Variants in KHDRBS2 observed in about 807,000 individuals in gnomAD.
KHDRBS2 encodes KH domain-containing, RNA-binding, signal transduction-associated protein 2.
A neutral mutation model predicts 44.3 loss-of-function variants in KHDRBS2; 26 were observed. The observed-to-expected ratio is 0.59, with a 90% CI of 0.43 to 0.81. The LOEUF is 0.81. KHDRBS2 is among the 40% of genes least tolerant of loss of function. The pLI, the probability that KHDRBS2 is intolerant of heterozygous loss-of-function variation, is 0.00. For missense variants in KHDRBS2, 476 were observed against 433.1 expected, an observed-to-expected ratio of 1.10 and a Z score of -0.88; for synonymous variants, 194 against 151.1, an observed-to-expected ratio of 1.28 and a Z score of -2.08.
chr6:61,897,933 G>A (rs1414401295), intron 5 of KHDRBS2, among the ~76,000 whole-genome samples: 2 of 152,088 alleles, frequency 1.3e-5, no homozygotes, highest in East Asian at 3.8e-4. Flanking sequence ...TAGTGGTGAT[G>A]TGTGTTAGAG....
At chr6:62,148,614 C>A (rs1419662796) in intron 2 of KHDRBS2, among the ~76,000 whole-genome samples, 1 of 151,894 alleles carries the variant, frequency 6.6e-6, no homozygotes, top group African/African-American at 2.4e-5. Flanking sequence ...ATATTAAAAA[C>A]AACAACAACA....
At chr6:61,758,311 G>T (rs1460015747) in intron 6 of KHDRBS2, among the ~76,000 whole-genome samples, 2 of 151,790 alleles carry the variant, frequency 1.3e-5, no homozygotes, top group Non-Finnish European at 2.9e-5. Context: ...AGGTCAAAAC[G>T]TAAGTCTAGT....
At chr6:61,550,193 C>T in the KHDRBS2 span, among the ~76,000 whole-genome samples, 89,804 of 151,814 alleles carry the variant, frequency 0.59, 26,761 homozygotes, top group Non-Finnish European at 0.61. Context: ...CAATCCTCGC[C>T]CTCCTCCCAC....
intron 4 of KHDRBS2, among the ~76,000 whole-genome samples, chr6:61,923,686 AAC>A (rs1808467073): frequency 6.6e-6 from 1 of 152,178 alleles, no homozygotes; most frequent in Admixed American, 6.6e-5. Flanking sequence ...TCAATTCAAT[AAC>A]AGTCATTATG....
intron 7 of KHDRBS2, among the ~76,000 whole-genome samples, chr6:61,718,494 C>G (rs1187702299): frequency 6.6e-6 from 1 of 152,072 alleles, no homozygotes; most frequent in Non-Finnish European, 1.5e-5. Flanking sequence ...TGCTGTCCCA[C>G]TTTCTTTCTT....
chr6:62,093,856 T>TGTGTG (rs1799975853), intron 2 of KHDRBS2, among the ~76,000 whole-genome samples: 4 of 143,214 alleles, frequency 2.8e-5, no homozygotes, highest in Non-Finnish European at 6.1e-5. Context: ...TTCCATTGTT[T>TGTGTG]TGTGTGTGTG....
intron 1 of KHDRBS2, among the ~76,000 whole-genome samples, chr6:62,186,680 A>C (rs962703627): frequency 6.6e-6 from 1 of 152,046 alleles, no homozygotes; most frequent in African/African-American, 2.4e-5. Context: ...ATCATCAAAA[A>C]AATGTTGGAA....
intron 4 of KHDRBS2, among the ~76,000 whole-genome samples, chr6:61,912,876 C>T (rs942154543): frequency 9.9e-5 from 15 of 152,132 alleles, no homozygotes; most frequent in African/African-American, 3.6e-4. Context: ...TCTAAGGCTC[C>T]TTTCAGTTCT....
At position 62,262,190 on chromosome 6, in the gene KHDRBS2, A is replaced by G. The variant is rs565057882; in HGVS notation, c.91+23668T>C. On this transcript the variant is annotated intron_variant, in intron 1 of 8. Coordinates refer to ENST00000281156, the MANE Select transcript of KHDRBS2 (RefSeq NM_152688.4). ...TCCACTTATCTTTGAACTTCTATATATTTACTTTCTTTATTTTATCAAGAT... is the reference window on the plus strand; with the variant it reads ...TCCACTTATCTTTGAACTTCTATATGTTTACTTTCTTTATTTTATCAAGAT... Among the ~76,000 whole-genome samples, 15 of 151,512 alleles carry G rather than the reference A, an allele frequency of 9.9e-5. No homozygotes were observed. The East Asian group carries it at 1.4e-3, about 14-fold the overall frequency.
intron 3 of KHDRBS2, among the ~76,000 whole-genome samples, chr6:61,992,959 T>C (rs1345631026): frequency 2.6e-5 from 4 of 152,146 alleles, no homozygotes; most frequent in Non-Finnish European, 5.9e-5. Context: ...ACGGCGTATA[T>C]GGGAGGAAAG....
chr6:61,607,203 G>T, the KHDRBS2 span, among the ~76,000 whole-genome samples: 1 of 151,644 alleles, frequency 6.6e-6, no homozygotes, highest in East Asian at 1.9e-4. Flanking sequence ...ACAGAGGGAA[G>T]AGATGTAAAA....
At chr6:61,644,467 A>C in the KHDRBS2 span, among the ~76,000 whole-genome samples, 4 of 152,214 alleles carry the variant, frequency 2.6e-5, no homozygotes, top group Non-Finnish European at 5.9e-5. Flanking sequence ...GAATCTAATT[A>C]AACTTAAGAG....
chr6:62,001,990 C>T (rs189898987), intron 3 of KHDRBS2, among the ~76,000 whole-genome samples: 9 of 152,024 alleles, frequency 5.9e-5, no homozygotes, highest in Non-Finnish European at 1.3e-4. Flanking sequence ...TAAATTTTAG[C>T]GTTATGACAC....
chr6:61,762,923 A>G (rs1779487858), intron 6 of KHDRBS2, among the ~76,000 whole-genome samples: 1 of 152,070 alleles, frequency 6.6e-6, no homozygotes, highest in South Asian at 2.1e-4. Context: ...CCCCGACTCA[A>G]TCAAGCCAGC....
chr6:62,039,809 C>T (rs1786076677), intron 3 of KHDRBS2, among the ~76,000 whole-genome samples: 1 of 152,042 alleles, frequency 6.6e-6, no homozygotes, highest in Non-Finnish European at 1.5e-5. Context: ...CTGTGTAGTG[C>T]CATTTACTTT....
chr6:62,168,235 C>G (rs1167187580), intron 2 of KHDRBS2, among the ~76,000 whole-genome samples: 1 of 152,148 alleles, frequency 6.6e-6, no homozygotes, highest in Non-Finnish European at 1.5e-5. Flanking sequence ...CAGTTTTACA[C>G]TCCTGGCAAT....
chr6:62,211,306 T>C (rs1829003847), intron 1 of KHDRBS2, among the ~76,000 whole-genome samples: 1 of 152,142 alleles, frequency 6.6e-6, no homozygotes, highest in Non-Finnish European at 1.5e-5. Context: ...CAGAAATAGT[T>C]GAAGTGGAAA....
chr6:61,832,738 C>A (rs1249215698), intron 6 of KHDRBS2, among the ~76,000 whole-genome samples: 1 of 152,124 alleles, frequency 6.6e-6, no homozygotes, highest in Non-Finnish European at 1.5e-5. Context: ...ATGATTGAAG[C>A]CCAGTCATGA....
intron 6 of KHDRBS2, among the ~76,000 whole-genome samples, chr6:61,890,659 G>A (rs1801680311): frequency 1.3e-5 from 2 of 152,174 alleles, no homozygotes; most frequent in African/African-American, 4.8e-5. Flanking sequence ...GAGCTACACA[G>A]TTCCCCAAAG....
Sources: gnomAD v4.1 joint callset for allele counts (sites outside exome capture counted in the v4.1 genomes callset) on GRCh38, gnomAD v4.1.1 for gene constraint, MANE v1.5 for transcripts, NCBI Gene and HGNC (gene_info 2026-07-23, HGNC 2026-07-21) for gene names.